GABRB1: variants seen among roughly 807,000 people sequenced by gnomAD.
GABRB1 encodes the protein gamma-aminobutyric acid receptor subunit beta-1.
A neutral mutation model predicts 51.6 loss-of-function variants in GABRB1; 17 were observed. The ratio of observed to expected loss-of-function variants is 0.33; its 90% confidence interval spans 0.23 to 0.49. The LOEUF (loss-of-function observed/expected upper bound fraction) is 0.49. Ranked by LOEUF, GABRB1 falls within the 20% of genes least tolerant of loss-of-function variation. The pLI is 0.99. For synonymous variants in GABRB1, 247 were observed against 218.9 expected (o/e 1.13, Z -1.14); for missense variants, 410 against 600.6 (o/e 0.68, Z 3.32).
chr4:47,094,157 A>G (rs1174377294), intron 3 of GABRB1, among the ~76,000 whole-genome samples: 1 of 152,088 alleles, frequency 6.6e-6, no homozygotes, highest in Non-Finnish European at 1.5e-5. Flanking sequence ...GGTAGGGAAC[A>G]AAAGTTTTTA....
At chr4:47,048,235 A>T (rs1726184907) in intron 3 of GABRB1, among the ~76,000 whole-genome samples, 1 of 152,148 alleles carries the variant, frequency 6.6e-6, no homozygotes, top group Non-Finnish European at 1.5e-5. Context: ...AGAGACAATG[A>T]CAAGGCCCTG....
At chr4:47,099,328 G>A (rs1311408819) in intron 3 of GABRB1, among the ~76,000 whole-genome samples, 1 of 152,028 alleles carries the variant, frequency 6.6e-6, no homozygotes, top group Non-Finnish European at 1.5e-5. Context: ...GTAGAGAATA[G>A]AATGATTTCC....
chr4:47,274,060 G>A (rs569485715), intron 4 of GABRB1, among the ~76,000 whole-genome samples: 1 of 152,088 alleles, frequency 6.6e-6, no homozygotes, highest in African/African-American at 2.4e-5. Context: ...AAAATGATTG[G>A]ATAATGCTTC....
intron 3 of GABRB1, among the ~76,000 whole-genome samples, chr4:47,105,128 T>G (rs908030820): frequency 2.0e-5 from 3 of 152,094 alleles, no homozygotes; most frequent in Admixed American, 1.3e-4. Flanking sequence ...TCAATCTGAG[T>G]TTAGATTTTG....
chr4:47,068,240 T>A (rs1237779022), intron 3 of GABRB1, among the ~76,000 whole-genome samples: 1 of 152,202 alleles, frequency 6.6e-6, no homozygotes, highest in Non-Finnish European at 1.5e-5. Flanking sequence ...TGTGGCTGAT[T>A]TGATCATTTA....
intron 5 of GABRB1, among the ~76,000 whole-genome samples, chr4:47,333,052 A>G (rs13116530): frequency 0.97 from 143,741 of 148,214 alleles, 69,800 homozygotes; most frequent in East Asian, 1. Context: ...AGTTGTTACA[A>G]GATGTTAATC....
chr4:47,114,087 G>C (rs920480042), intron 3 of GABRB1, among the ~76,000 whole-genome samples: 1 of 152,114 alleles, frequency 6.6e-6, no homozygotes. Context: ...GTTCTTATTT[G>C]GTTCTGAAAT....
At chr4:47,145,504 G>C (rs558924248) in intron 3 of GABRB1, among the ~76,000 whole-genome samples, 1 of 151,924 alleles carries the variant, frequency 6.6e-6, no homozygotes, top group South Asian at 2.1e-4. Flanking sequence ...CTGATTACAC[G>C]CACATGCATA....
chr4:47,385,774 C>T (rs1727771556), intron 5 of GABRB1, among the ~76,000 whole-genome samples: 1 of 152,128 alleles, frequency 6.6e-6, no homozygotes, highest in Non-Finnish European at 1.5e-5. Flanking sequence ...CCCGGGTTAC[C>T]CACAACTCTG....
upstream of GABRB1, among the ~76,000 whole-genome samples, chr4:47,027,863 C>G (rs1725150521): frequency 6.6e-6 from 1 of 151,322 alleles, no homozygotes; most frequent in Non-Finnish European, 1.5e-5. Context: ...TAGGTTAAAT[C>G]AGAAAAACTG....
intron 5 of GABRB1, among the ~76,000 whole-genome samples, chr4:47,339,898 G>A (rs1031989635): frequency 2.0e-5 from 3 of 151,602 alleles, no homozygotes; most frequent in Non-Finnish European, 4.4e-5. Context: ...GGTCTCAAGG[G>A]TATTTCTGAA....
intron 3 of GABRB1, among the ~76,000 whole-genome samples, chr4:47,124,192 G>A (rs951474244): frequency 1.1e-4 from 17 of 151,480 alleles, no homozygotes; most frequent in Admixed American, 1.1e-3. Flanking sequence ...AAACCTCATG[G>A]TCTTAAAGGA....
At chr4:47,401,889 TA>T (rs1728409029) in intron 5 of GABRB1, among the ~76,000 whole-genome samples, 1 of 152,170 alleles carries the variant, frequency 6.6e-6, no homozygotes, top group Non-Finnish European at 1.5e-5. Context: ...TATCTGTGTA[TA>T]TTTTTCTATG....
At chr4:47,221,371 A>G (rs748657356) in intron 4 of GABRB1, among the ~76,000 whole-genome samples, 1 of 151,976 alleles carries the variant, frequency 6.6e-6, no homozygotes, top group East Asian at 1.9e-4. Context: ...CTAAGCACCT[A>G]CAAGTGACAT....
chr4:47,104,235 G>T (rs886422108), intron 3 of GABRB1, among the ~76,000 whole-genome samples: 3 of 151,430 alleles, frequency 2.0e-5, no homozygotes, highest in South Asian at 2.1e-4. Context: ...TTCTTCTGTT[G>T]CATGGTTTCT....
intron 8 of GABRB1, among the ~76,000 whole-genome samples, chr4:47,416,960 A>G (rs2110064202): frequency 6.6e-6 from 1 of 152,326 alleles, no homozygotes; most frequent in East Asian, 1.9e-4. Context: ...TTTTTTAAAA[A>G]AGAAAAAAGT....
chr4:47,050,665 A>G lies in GABRB1; in HGVS notation c.240+18181A>G, dbSNP rs772292184. ...GACATTCAACACTGTGAGATAGCCT[A>G]TTTTTTCCTGGATTTTCCCTGTTGC... On this transcript the variant is annotated intron_variant, in intron 3 of 8. Transcript: ENST00000295454. 4.6e-5 allele frequency among the ~76,000 whole-genome samples: 7 copies of G among 152,230 alleles called. No individual in the cohort carries two copies. The South Asian group carries it at 6.2e-4, about 14-fold the overall frequency.
At chr4:47,159,326 A>G (rs533490077) in intron 3 of GABRB1, among the ~76,000 whole-genome samples, 1 of 152,192 alleles carries the variant, frequency 6.6e-6, no homozygotes, top group African/African-American at 2.4e-5. Context: ...CTTAGGTGCA[A>G]GAGATTATGT....
intron 3 of GABRB1, among the ~76,000 whole-genome samples, chr4:47,096,786 A>T (rs550398730): frequency 5.3e-5 from 8 of 152,148 alleles, no homozygotes; most frequent in African/African-American, 1.7e-4. Context: ...GTGAAGATGG[A>T]GGAAAGGTCT....
Sources: gnomAD v4.1 joint callset for allele counts (sites outside exome capture counted in the v4.1 genomes callset) on GRCh38, gnomAD v4.1.1 for gene constraint, MANE v1.5 for transcripts, NCBI Gene and HGNC (gene_info 2026-07-23, HGNC 2026-07-21) for gene names.